Variants in PRKN observed in about 807,000 individuals in gnomAD.
PRKN encodes E3 ubiquitin-protein ligase parkin.
In PRKN, 56 loss-of-function variants were observed where a neutral mutation model predicts 59.5. The observed-to-expected ratio is 0.94, with a 90% CI of 0.76 to 1.18. PRKN has a LOEUF of 1.18. Among genes scored for constraint, PRKN ranks in the 50% most tolerant of loss-of-function variants. The pLI is 0.00. For synonymous variants in PRKN, 250 were observed against 222.1 expected, an observed-to-expected ratio of 1.13 and a Z score of -1.12; for missense variants, 657 against 596.4, an observed-to-expected ratio of 1.10 and a Z score of -1.06.
intron 2 of PRKN, among the ~76,000 whole-genome samples, chr6:162,328,860 T>C (rs1261465263): frequency 6.6e-6 from 1 of 151,814 alleles, no homozygotes; most frequent in Non-Finnish European, 1.5e-5. Context: ...AGCAGGGGGG[T>C]GGTACCAGGT....
chr6:161,493,566 G>A (rs1165453263), intron 9 of PRKN, among the ~76,000 whole-genome samples: 1 of 152,190 alleles, frequency 6.6e-6, no homozygotes, highest in Admixed American at 6.5e-5. Context: ...AGGACTAACG[G>A]GGGTTGCAGC....
chr6:161,696,187 A>G (rs1284538676), intron 7 of PRKN, among the ~76,000 whole-genome samples: 1 of 152,234 alleles, frequency 6.6e-6, no homozygotes, highest in African/African-American at 2.4e-5. Flanking sequence ...AATGGTAAGC[A>G]TTATAGAATT....
chr6:161,814,434 G>T (rs1044036542), intron 6 of PRKN, among the ~76,000 whole-genome samples: 1 of 152,222 alleles, frequency 6.6e-6, no homozygotes, highest in Non-Finnish European at 1.5e-5. Flanking sequence ...AATTATAGCA[G>T]AAGGCGAAAG....
At chr6:162,592,791 A>G (rs568824463) in intron 1 of PRKN, among the ~76,000 whole-genome samples, 2 of 146,586 alleles carry the variant, frequency 1.4e-5, no homozygotes, top group South Asian at 2.2e-4. Context: ...TGGGACATAG[A>G]AAAGGATCAA....
intron 1 of PRKN, among the ~76,000 whole-genome samples, chr6:162,679,874 C>A (rs1345164466): frequency 2.6e-5 from 4 of 152,108 alleles, no homozygotes; most frequent in Admixed American, 6.6e-5. Flanking sequence ...AAGAACAGGC[C>A]AGTGAGGTCA....
chr6:161,799,427 A>G lies in PRKN; in HGVS notation c.735-13519T>C, dbSNP rs144171437. On this transcript the variant is annotated intron_variant, in intron 6 of 11. Coordinates refer to ENST00000366898, the MANE Select transcript of PRKN (RefSeq NM_004562.3). ...TGAGCTAAGCCATTCAACTGCTGTCAAAAGCTGAAAACACCATCTCCCCCC... is the reference window on the plus strand; with the variant it reads ...TGAGCTAAGCCATTCAACTGCTGTCGAAAGCTGAAAACACCATCTCCCCCC... Among the ~76,000 whole-genome samples, 265 of 152,328 alleles carry G rather than the reference A, an allele frequency of 1.7e-3. 2 individuals are homozygous for G. Among genetic ancestry groups the G allele is most frequent in the Middle Eastern group, 0.01 (3 of 294 alleles).
intron 4 of PRKN, among the ~76,000 whole-genome samples, chr6:162,081,310 T>C (rs1181850801): frequency 6.6e-6 from 1 of 152,100 alleles, no homozygotes; most frequent in Non-Finnish European, 1.5e-5. Context: ...TCTTTAGTGA[T>C]CTATGAGAGC....
intron 1 of PRKN, among the ~76,000 whole-genome samples, chr6:162,556,696 G>A (rs1893104): frequency 0.3 from 43,209 of 143,630 alleles, 6,803 homozygotes; most frequent in East Asian, 0.49. Context: ...GCTGTGAGCC[G>A]AGATTGCACC....
intron 6 of PRKN, among the ~76,000 whole-genome samples, chr6:161,823,653 T>C (rs140311855): frequency 6.6e-6 from 1 of 152,318 alleles, no homozygotes; most frequent in African/African-American, 2.4e-5. Flanking sequence ...TTTTAAAATG[T>C]TAGGGTAACC....
chr6:161,733,995 C>T (rs1484462124), intron 7 of PRKN, among the ~76,000 whole-genome samples: 1 of 141,616 alleles, frequency 7.1e-6, no homozygotes, highest in South Asian at 2.3e-4. Flanking sequence ...CACACACACA[C>T]ACACACACAC....
At chr6:161,879,903 C>T (rs994535723) in intron 6 of PRKN, among the ~76,000 whole-genome samples, 1 of 152,090 alleles carries the variant, frequency 6.6e-6, no homozygotes, top group Non-Finnish European at 1.5e-5. Context: ...TTAGCAACAG[C>T]ATGCCATTTT....
chr6:161,968,420 A>C (rs1554255863), intron 6 of PRKN, among the ~76,000 whole-genome samples: 3 of 151,966 alleles, frequency 2.0e-5, no homozygotes, highest in Non-Finnish European at 1.5e-5. Context: ...GAGGGTGGGG[A>C]CATGACAGGC....
chr6:162,181,260 G>C (rs972419899), intron 4 of PRKN, among the ~76,000 whole-genome samples: 1 of 152,192 alleles, frequency 6.6e-6, no homozygotes, highest in African/African-American at 2.4e-5. Context: ...TTTCCAGCAA[G>C]CATAGGAAAG....
intron 6 of PRKN, among the ~76,000 whole-genome samples, chr6:161,833,296 A>G (rs191650824): frequency 8.5e-5 from 13 of 152,274 alleles, no homozygotes; most frequent in African/African-American, 3.1e-4. Flanking sequence ...TCGTCACTGA[A>G]GTGCTTGCCC....
intron 1 of PRKN, among the ~76,000 whole-genome samples, chr6:162,645,039 T>A (rs1778114289): frequency 6.6e-6 from 1 of 152,214 alleles, no homozygotes; most frequent in South Asian, 2.1e-4. Context: ...TATTCAACTT[T>A]TCTTTCCGTG....
At chr6:161,427,469 T>C (rs1195290191) in intron 9 of PRKN, among the ~76,000 whole-genome samples, 1 of 152,170 alleles carries the variant, frequency 6.6e-6, no homozygotes, top group Non-Finnish European at 1.5e-5. Flanking sequence ...GGATTAGAAC[T>C]CAGGTAGAAC....
intron 4 of PRKN, among the ~76,000 whole-genome samples, chr6:162,180,466 G>GAA (rs58691780): frequency 2.0e-5 from 3 of 151,326 alleles, no homozygotes; most frequent in African/African-American, 4.9e-5. Flanking sequence ...AAAGTCATCA[G>GAA]GTCTCGAATA....
At chr6:162,192,063 T>C (rs1246184708) in intron 4 of PRKN, among the ~76,000 whole-genome samples, 1 of 152,210 alleles carries the variant, frequency 6.6e-6, no homozygotes, top group Admixed American at 6.5e-5. Context: ...TTAGAGAACC[T>C]TATTTTTTCT....
chr6:161,870,351 G>T (rs1240869359), intron 6 of PRKN, among the ~76,000 whole-genome samples: 1 of 152,098 alleles, frequency 6.6e-6, no homozygotes, highest in Non-Finnish European at 1.5e-5. Context: ...GAAGAAAAGG[G>T]GATGGCTGTG....
Sources: allele counts gnomAD v4.1 joint callset (sites outside exome capture counted in the v4.1 genomes callset), GRCh38; gene constraint gnomAD v4.1.1; transcripts MANE v1.5; gene names NCBI Gene and HGNC (gene_info 2026-07-23, HGNC 2026-07-21).